The following PHF20L1 variants were observed in gnomAD, a reference collection of about 807,000 sequenced individuals.
The protein encoded by PHF20L1 is PHD finger protein 20-like protein 1.
Under a neutral mutation model 125.5 loss-of-function variants are expected in PHF20L1, and 44 were observed. The observed-to-expected ratio is 0.35, with a 90% CI of 0.28 to 0.45. The LOEUF is 0.45. PHF20L1 is among the 20% of genes least tolerant of loss of function. The probability of loss-of-function intolerance (pLI) is 1.00; values close to 1 mark genes in which losing one functional copy is unlikely to be tolerated. For missense variants in PHF20L1, 1,012 were observed against 1,217.2 expected (o/e 0.83, Z 2.51); for synonymous variants, 380 against 403.1 (o/e 0.94, Z 0.69).
intron 4 of PHF20L1, among the ~76,000 whole-genome samples, chr8:132,796,673 G>A (rs1225918651): frequency 6.6e-6 from 1 of 151,934 alleles, no homozygotes; most frequent in Non-Finnish European, 1.5e-5. Context: ...TTTCTAGTGG[G>A]CCCTGTATTT....
intron 15 of PHF20L1, 46 bp downstream of exon 15, chr8:132,832,445 AAT>A: frequency 7.3e-7 from 1 of 1,363,704 alleles, no homozygotes; most frequent in African/African-American, 1.4e-5. Context: ...ACAATTCCTA[AAT>A]GTGTAACTGA....
chr8:132,803,626 A>G (rs2272703), intron 6 of PHF20L1, 193 bp from the exon 7 acceptor site: 68,594 of 542,590 alleles, frequency 0.13, 6,048 homozygotes, highest in East Asian at 0.41. Context: ...AGGTTATGCA[A>G]TCTAACTCAT....
In PHF20L1 at chr8:132,836,984, G is replaced by T. The variant is rs1459754271; in HGVS notation, c.2091+263G>T. ...TGAAACTCTTTAGAGTGATTAGGGT[G>T]GTAAACCCTCACACGAAAGGGCAGG... On this transcript the variant is annotated intron_variant, in intron 16 of 20. Transcript: ENST00000395386. Among the ~76,000 whole-genome samples the T allele has an allele frequency of 2.6e-5, 4 of 152,044 alleles. 1 individual carries two copies. The highest frequency in any genetic ancestry group is 1.5e-5 in the Non-Finnish European group (1 of 67,996).
chr8:132,803,697 T>A (rs1265481505), intron 6 of PHF20L1, 122 bp from the exon 7 acceptor site: 1 of 614,124 alleles, frequency 1.6e-6, no homozygotes, highest in African/African-American at 1.9e-5. Flanking sequence ...GTTATCTCTA[T>A]ATTTATGTTT....
chr8:132,812,911 G>C, intron 9 of PHF20L1: 1 of 975,744 alleles, frequency 1.0e-6, no homozygotes, highest in Non-Finnish European at 1.2e-6. Context: ...TCAAACTGTG[G>C]TCTTGAACCC....
intron 13 of PHF20L1, 127 bp from the exon 14 acceptor site, chr8:132,825,137 G>A (rs1388642926): frequency 6.5e-7 from 1 of 1,548,570 alleles, no homozygotes; most frequent in Non-Finnish European, 8.8e-7. Flanking sequence ...CAGTTTAATT[G>A]AACCCATCCA....
chr8:132,816,126 A>AT (rs1237263320), intron 10 of PHF20L1: 1 of 151,876 alleles, frequency 6.6e-6, no homozygotes, highest in African/African-American at 2.4e-5. Context: ...AATCTTGCCT[A>AT]TTCTAGTCAA....
chr8:132,844,350 T>C, intron 20 of PHF20L1, 32 bp downstream of exon 20: 1 of 1,513,936 alleles, frequency 6.6e-7, no homozygotes, highest in Non-Finnish European at 9.0e-7. Context: ...ATACAGTTAC[T>C]ATAGTGAATT....
intron 2 of PHF20L1, among the ~76,000 whole-genome samples, chr8:132,780,513 C>T (rs1379582515): frequency 6.6e-6 from 1 of 152,050 alleles, no homozygotes; most frequent in Non-Finnish European, 1.5e-5. Context: ...TTTCTTTTCT[C>T]CCTCTTCTCC....
chr8:132,777,843 C>T lies in PHF20L1; in HGVS notation c.15C>T (p.Pro5=), dbSNP rs756709891. Residue 5 remains proline, a synonymous_variant, in exon 2 of 21, where the codon CCC becomes CCT. Transcript: ENST00000395386. The part of the protein sequence containing the change: MSKK[P]PNRPGITFEI... ...AGGATCTCAAGATGAGTAAAAAGCCCCCAAATCGCCCTGGAATCACTTTTG... is the reference window on the plus strand; with the variant it reads ...AGGATCTCAAGATGAGTAAAAAGCCTCCAAATCGCCCTGGAATCACTTTTG... 3 of 1,612,418 alleles carry T rather than the reference C, an allele frequency of 1.9e-6. No homozygotes were observed. Among genetic ancestry groups the T allele is most frequent in the Non-Finnish European group, 1.7e-6 (2 of 1,178,644 alleles).
rs1185010811 is a variant in PHF20L1 at position 132,847,973 on chromosome 8, G to T, written c.*2050G>T. 6.6e-6 allele frequency: 1 copy of T among 151,970 alleles called. No individual in the cohort carries two copies. Among genetic ancestry groups the T allele is most frequent in the Non-Finnish European group, 1.5e-5 (1 of 67,958 alleles). 9.4% of individuals were successfully genotyped at this position (151,970 alleles called of 1,614,324 possible). Reference sequence around the variant, plus strand: ...TTTTCCCTGTCATGGCTACATTCTAGACATTGAATTTATATCTTCTTTTTT... The same window carrying T: ...TTTTCCCTGTCATGGCTACATTCTATACATTGAATTTATATCTTCTTTTTT... On this transcript the variant is annotated 3_prime_UTR_variant, in exon 21 of 21. Coordinates refer to ENST00000395386, the MANE Select transcript of PHF20L1 (RefSeq NM_016018.5).
At position 132,846,643 on chromosome 8, in the gene PHF20L1, C is replaced by G. The variant is rs1838439360; in HGVS notation, c.*720C>G. On this transcript the variant is annotated 3_prime_UTR_variant, in exon 21 of 21. Transcript: ENST00000395386. ...AGAAGGGTCCGATGTGCCAAGTGAT[C>G]ATGATTCTGCTGGAAAGAGGATTTT... 1 of 152,520 alleles carries G rather than the reference C, an allele frequency of 6.6e-6. No individual in the cohort carries two copies. The highest frequency in any genetic ancestry group is 1.5e-5 in the Non-Finnish European group (1 of 67,988). The allele number at this position is 152,520 out of a possible 1,614,324, so 9.4% of individuals were successfully genotyped here.
chr8:132,805,047 A>C (rs1333735695), intron 8 of PHF20L1, among the ~76,000 whole-genome samples: 1 of 151,848 alleles, frequency 6.6e-6, no homozygotes, highest in Non-Finnish European at 1.5e-5. Flanking sequence ...TTTCTAGAAG[A>C]ATTATTTTGT....
chr8:132,779,867 C>T (rs1241395281), intron 2 of PHF20L1, among the ~76,000 whole-genome samples: 2 of 152,114 alleles, frequency 1.3e-5, no homozygotes, highest in African/African-American at 4.8e-5. Context: ...CTTCTTGCCA[C>T]AAAATTCATA....
At chr8:132,806,695 T>C (rs367756105) in intron 8 of PHF20L1, 2 of 152,084 alleles carry the variant, frequency 1.3e-5, no homozygotes, top group Admixed American at 6.6e-5. Context: ...ATTTCATTTA[T>C]AGTTTATACA....
chr8:132,825,369 A>C lies in PHF20L1; in HGVS notation c.1742A>C (p.His581Pro). 2 of 1,496,318 alleles carry C rather than the reference A, an allele frequency of 1.3e-6. No individual in the cohort carries two copies. Among genetic ancestry groups the C allele is most frequent in the Non-Finnish European group, 1.8e-6 (2 of 1,113,598 alleles). 92.7% of individuals were successfully genotyped at this position (1,496,318 alleles called of 1,614,324 possible). ...KKKKKKKSKQ[H>P]DYSDYEDSSL... is the part of the protein sequence containing the mutation. ...AAAAAGAAAAAGAAATCTAAGCAAC[A>C]TGGTAAGTACACTGAGATGATTATT... is the stretch of plus-strand genomic sequence containing the variant. The change falls in exon 14 of 21, where the codon CAT becomes CCT. Residue 581 changes from histidine to proline, a missense_variant and splice_region_variant. His to Pro is a moderately conservative substitution (Grantham distance 77). Coordinates refer to ENST00000395386, the MANE Select transcript of PHF20L1 (RefSeq NM_016018.5).
chr8:132,811,228 G>T, intron 9 of PHF20L1, 100 bp downstream of exon 9: 1 of 1,542,456 alleles, frequency 6.5e-7, no homozygotes, highest in Non-Finnish European at 8.8e-7. Context: ...GATCAGATAT[G>T]GGAATAGGAA....
At chr8:132,838,689 A>C (rs1264496849) in intron 17 of PHF20L1, 1 of 152,184 alleles carries the variant, frequency 6.6e-6, no homozygotes, top group Non-Finnish European at 1.5e-5. Context: ...TTAATTATTC[A>C]CAGCCATATG....
intron 12 of PHF20L1, among the ~76,000 whole-genome samples, chr8:132,820,682 T>C (rs1835481223): frequency 6.6e-6 from 1 of 151,958 alleles, no homozygotes; most frequent in Non-Finnish European, 1.5e-5. Context: ...ATGATGTCTG[T>C]GGTCACTTTT....
Sources: gnomAD v4.1 joint callset for allele counts (sites outside exome capture counted in the v4.1 genomes callset) on GRCh38, gnomAD v4.1.1 for gene constraint, MANE v1.5 for transcripts, NCBI Gene and HGNC (gene_info 2026-07-23, HGNC 2026-07-21) for gene names.